The following CPNE4 variants were observed in gnomAD, a reference collection of about 807,000 sequenced individuals.
CPNE4 encodes the protein copine 4, also known as copine-4.
A neutral mutation model predicts 67.9 loss-of-function variants in CPNE4; 25 were observed. That is an observed-to-expected ratio of 0.37 (90% CI 0.27 to 0.51). The LOEUF (loss-of-function observed/expected upper bound fraction) is 0.51. Among genes scored for constraint, CPNE4 ranks in the 20% least tolerant of loss-of-function variants. CPNE4 has a pLI of 0.93. For synonymous variants in CPNE4, 242 were observed against 244.9 expected, an observed-to-expected ratio of 0.99 and a Z score of 0.11; for missense variants, 464 against 690.8, an observed-to-expected ratio of 0.67 and a Z score of 3.68.
At chr3:131,888,465 T>C (rs1042952631) in intron 2 of CPNE4, among the ~76,000 whole-genome samples, 12 of 152,232 alleles carry the variant, frequency 7.9e-5, no homozygotes, top group Middle Eastern at 3.4e-3. Flanking sequence ...AATATAGTAT[T>C]TGAAAACAGA....
At chr3:131,717,893 T>TCTTTCTTC (rs1560173057) in intron 3 of CPNE4, among the ~76,000 whole-genome samples, 2 of 63,754 alleles carry the variant, frequency 3.1e-5, no homozygotes, top group African/African-American at 7.8e-5. Flanking sequence ...TTTCTTTCTT[T>TCTTTCTTC]CTTTCTTTCT....
intron 1 of CPNE4, among the ~76,000 whole-genome samples, chr3:131,948,808 C>A (rs1560656369): frequency 6.6e-6 from 1 of 152,162 alleles, no homozygotes; most frequent in Admixed American, 6.5e-5. Flanking sequence ...GTGGTTCCCC[C>A]AATCTGCTGA....
chr3:131,629,927 T>TTTCC, intron 7 of CPNE4, among the ~76,000 whole-genome samples: 1 of 145,008 alleles, frequency 6.9e-6, no homozygotes, highest in Middle Eastern at 3.5e-3. Flanking sequence ...TCTCCCCCTC[T>TTTCC]TTCCTTCTCT....
chr3:131,730,050 T>C (rs907329977), intron 2 of CPNE4, among the ~76,000 whole-genome samples: 8 of 152,232 alleles, frequency 5.3e-5, no homozygotes, highest in Non-Finnish European at 1.0e-4. Context: ...TTTGATATAT[T>C]TGAAATTGGT....
intron 2 of CPNE4, among the ~76,000 whole-genome samples, chr3:131,723,858 T>C (rs144248407): frequency 2.9e-3 from 448 of 152,270 alleles, no homozygotes; most frequent in African/African-American, 9.1e-3. Context: ...TTAGAGCTCA[T>C]TGTATGAGTT....
At chr3:131,980,168 G>A (rs2072870202) in intron 1 of CPNE4, among the ~76,000 whole-genome samples, 1 of 152,094 alleles carries the variant, frequency 6.6e-6, no homozygotes, top group Non-Finnish European at 1.5e-5. Flanking sequence ...TGATGAAAAT[G>A]TGCCTAGGTG....
intron 2 of CPNE4, among the ~76,000 whole-genome samples, chr3:131,832,531 C>A (rs916355172): frequency 1.3e-5 from 2 of 152,182 alleles, no homozygotes; most frequent in Non-Finnish European, 2.9e-5. Flanking sequence ...ACTCTTGAGC[C>A]TTAAAATCTC....
chr3:131,620,814 T>C (rs929729964), intron 7 of CPNE4, among the ~76,000 whole-genome samples: 1 of 152,198 alleles, frequency 6.6e-6, no homozygotes, highest in Non-Finnish European at 1.5e-5. Context: ...CAAATGATTC[T>C]TTCCTAGAGT....
intron 1 of CPNE4, among the ~76,000 whole-genome samples, chr3:132,024,617 T>G (rs1583614003): frequency 6.6e-6 from 1 of 152,214 alleles, no homozygotes; most frequent in Non-Finnish European, 1.5e-5. Flanking sequence ...CTCAAGCATG[T>G]CTTCCTTGCT....
intron 3 of CPNE4, among the ~76,000 whole-genome samples, chr3:131,713,615 T>C (rs2081612424): frequency 6.6e-6 from 1 of 151,870 alleles, no homozygotes; most frequent in Admixed American, 6.6e-5. Context: ...CACAGAGAGG[T>C]TAAGCAAACT....
intron 15 of CPNE4, among the ~76,000 whole-genome samples, chr3:131,536,709 C>G (rs533756996): frequency 3.3e-5 from 5 of 152,242 alleles, no homozygotes; most frequent in Admixed American, 3.3e-4. Flanking sequence ...AGTGATCTTT[C>G]ACATTTTGAA....
At chr3:132,038,765 A>G (rs1205898911), upstream of CPNE4, among the ~76,000 whole-genome samples, 2 of 152,216 alleles carry the variant, frequency 1.3e-5, no homozygotes, top group African/African-American at 4.8e-5. Flanking sequence ...TCTGGGCTTA[A>G]GGAATATTAG....
chr3:131,729,555 A>G (rs1290212992), intron 2 of CPNE4, among the ~76,000 whole-genome samples: 1 of 152,238 alleles, frequency 6.6e-6, no homozygotes, highest in African/African-American at 2.4e-5. Context: ...AACAAGTTGC[A>G]GATCTCAAAA....
upstream of CPNE4, chr3:132,037,658 T>C: frequency 6.6e-7 from 1 of 1,507,234 alleles, no homozygotes; most frequent in African/African-American, 1.4e-5. Context: ...GGCCCTGGTG[T>C]TCCCAAGTTG....
chr3:132,030,648 G>C (rs1003983792), intron 1 of CPNE4, among the ~76,000 whole-genome samples: 1 of 152,128 alleles, frequency 6.6e-6, no homozygotes, highest in Non-Finnish European at 1.5e-5. Flanking sequence ...TTCCCAAGAG[G>C]GTTTCCAAAG....
At chr3:131,610,134 T>G (rs1351408548) in intron 7 of CPNE4, among the ~76,000 whole-genome samples, 6 of 152,158 alleles carry the variant, frequency 3.9e-5, no homozygotes, top group African/African-American at 1.4e-4. Context: ...AAATATTTTT[T>G]GAATACTAAC....
At chr3:131,627,777 AAG>A (rs2079116354) in intron 7 of CPNE4, among the ~76,000 whole-genome samples, 2 of 152,342 alleles carry the variant, frequency 1.3e-5, no homozygotes, top group South Asian at 4.1e-4. Context: ...TAGAAATAGC[AAG>A]AGAACTAGAA....
At chr3:131,792,624 T>TATAC (rs1560321100) in intron 2 of CPNE4, among the ~76,000 whole-genome samples, 1 of 74,490 alleles carries the variant, frequency 1.3e-5, no homozygotes, top group Non-Finnish European at 2.9e-5. Context: ...TATATGTATA[T>TATAC]ATATATACAC....
intron 15 of CPNE4, among the ~76,000 whole-genome samples, chr3:131,538,503 C>T (rs1216008677): frequency 3.3e-5 from 5 of 152,186 alleles, no homozygotes; most frequent in African/African-American, 1.2e-4. Context: ...TTATTAACCA[C>T]CTACATGGAC....
Sources: gnomAD v4.1 joint callset for allele counts (sites outside exome capture counted in the v4.1 genomes callset) on GRCh38, gnomAD v4.1.1 for gene constraint, MANE v1.5 for transcripts, NCBI Gene and HGNC (gene_info 2026-07-23, HGNC 2026-07-21) for gene names.